The following RDX variants were observed in gnomAD, a reference collection of about 807,000 sequenced individuals.
RDX encodes deafness, autosomal recessive 24.
RDX carries 32 observed loss-of-function variants against 83.7 expected under a neutral mutation model. That is an observed-to-expected ratio of 0.38 (90% CI 0.29 to 0.51). The LOEUF (loss-of-function observed/expected upper bound fraction) is 0.51. RDX is among the 20% of genes least tolerant of loss of function. RDX has a pLI of 0.87. For synonymous variants in RDX, 229 were observed against 222.7 expected, an observed-to-expected ratio of 1.03 and a Z score of -0.25; for missense variants, 600 against 689.9, an observed-to-expected ratio of 0.87 and a Z score of 1.46.
chr11:110,289,979 A>AAAAAAAAAAAAAAAAAAAAAAC (rs1555049799), intron 1 of RDX, among the ~76,000 whole-genome samples: 2 of 144,620 alleles, frequency 1.4e-5, no homozygotes, highest in African/African-American at 5.4e-5. Context: ...AAAAAAAAAA[A>AAAAAAAAAAAAAAAAAAAAAAC]AAACAAGGGT....
At chr11:110,247,864 T>G in intron 9 of RDX, 31 bp from the exon 10 acceptor site, 3 of 1,538,818 alleles carry the variant, frequency 1.9e-6, no homozygotes, top group Non-Finnish European at 2.6e-6. Flanking sequence ...CTGTTACAAA[T>G]TAATACACAA....
intron 1 of RDX, among the ~76,000 whole-genome samples, chr11:110,284,314 A>G (rs924987288): frequency 6.6e-6 from 1 of 152,246 alleles, no homozygotes; most frequent in South Asian, 2.1e-4. Flanking sequence ...AGATATTCAC[A>G]GCAGCATTCT....
chr11:110,198,820 CTT>C (rs34948055), intron 15 of RDX, among the ~76,000 whole-genome samples: 58,126 of 146,868 alleles, frequency 0.4, 11,176 homozygotes, highest in East Asian at 0.6. Flanking sequence ...CTGAATACGT[CTT>C]TTTTTTTTTT....
chr11:110,286,407 C>G (rs1257625443), intron 1 of RDX, among the ~76,000 whole-genome samples: 1 of 152,216 alleles, frequency 6.6e-6, no homozygotes, highest in Non-Finnish European at 1.5e-5. Context: ...TCTTTTAACT[C>G]TGAGGGTAAC....
In RDX at chr11:110,191,165, T is replaced by C. The variant is rs531711872; in HGVS notation, c.*31+8416A>G. 1.5e-4 allele frequency among the ~76,000 whole-genome samples: 23 copies of C among 152,324 alleles called. No homozygotes were observed. The East Asian group carries it at 4.0e-3, about 27-fold the overall frequency. On this transcript the variant is annotated intron_variant, in intron 15 of 15. Coordinates refer to the RDX transcript ENST00000528498. ...AAAGAAAACTACAGACTAATATCCC[T>C]GATGAACACAGACACAATATCCAAA... is the stretch of plus-strand genomic sequence containing the variant.
In RDX at chr11:110,208,889, G is replaced by C. The variant is rs551021795; in HGVS notation, c.1749-9211C>G. ...AAGAATCATTTGAACCCAGGAGGCA[G>C]AGGTTGCATTGAGCAGAGATCACGT... On this transcript the variant is annotated intron_variant, in intron 14 of 15. Coordinates refer to the RDX transcript ENST00000528498. 1.5e-4 allele frequency among the ~76,000 whole-genome samples: 23 copies of C among 152,340 alleles called. No homozygotes were observed. In the South Asian group the frequency reaches 4.8e-3, roughly 32 times the overall value.
Position 110,255,357 on chromosome 11 carries a change from TC to T in RDX, c.726del (p.Trp242Ter). ...TTAAATGAAATATTTCTGATTTCAC[TC>T]CAGGGAAAACCAATTTTAGGTGTTA... ...DKLTPKIGFP[W>X]SEIRNISFND... is the part of the protein sequence containing the mutation. On this transcript the variant is annotated frameshift_variant, in exon 8 of 14. Transcript: ENST00000645495. LOFTEE classifies it high-confidence loss of function. 1 of 1,592,558 alleles carries T rather than the reference TC, an allele frequency of 6.3e-7. No individual in the cohort carries two copies. The highest frequency in any genetic ancestry group is 8.6e-7 in the Non-Finnish European group (1 of 1,160,822).
At chr11:110,221,271 C>A (rs942077041) in intron 14 of RDX, among the ~76,000 whole-genome samples, 9 of 152,240 alleles carry the variant, frequency 5.9e-5, no homozygotes, top group Non-Finnish European at 1.2e-4. Flanking sequence ...TGTACCCCCC[C>A]CAAAATACTT....
At chr11:110,177,370 A>G (rs977186650) in intron 15 of RDX, among the ~76,000 whole-genome samples, 2 of 152,156 alleles carry the variant, frequency 1.3e-5, no homozygotes, top group African/African-American at 4.8e-5. Context: ...TACTTCCTCT[A>G]TTGTAAAAGG....
intron 2 of RDX, among the ~76,000 whole-genome samples, chr11:110,273,481 A>G (rs567799676): frequency 2.0e-5 from 3 of 152,338 alleles, no homozygotes; most frequent in South Asian, 2.1e-4. Context: ...GCGTGCAATC[A>G]TGGCACACTG....
chr11:110,233,584 A>G, intron 12 of RDX, 105 bp from the exon 13 acceptor site: 1 of 1,189,736 alleles, frequency 8.4e-7, no homozygotes, highest in Non-Finnish European at 1.2e-6. Context: ...CAAGGTAATG[A>G]AAATAGGCCC....
chr11:110,284,819 G>A (rs902457135), intron 1 of RDX, among the ~76,000 whole-genome samples: 5 of 151,914 alleles, frequency 3.3e-5, no homozygotes, highest in East Asian at 1.9e-4. Flanking sequence ...CACCACGCCC[G>A]GCCAACACAG....
intron 15 of RDX, among the ~76,000 whole-genome samples, chr11:110,192,048 T>C (rs978256966): frequency 1.3e-5 from 2 of 152,172 alleles, no homozygotes; most frequent in African/African-American, 4.8e-5. Context: ...CTAAAATTCA[T>C]ATTGATCCAA....
In RDX at chr11:110,253,966, T is replaced by A; in HGVS notation, c.939A>T (p.Lys313Asn). The A allele has an allele frequency of 6.2e-7, 1 of 1,613,666 alleles. No homozygotes were observed. The highest frequency in any genetic ancestry group is 8.5e-7 in the Non-Finnish European group (1 of 1,179,782). ...CATACCTTTCCAACTGCTTCTGATG[T>A]TTCTCCTCCCTAGCCTGAGCCTTCA... is the stretch of plus-strand genomic sequence containing the variant. ...QQMKAQAREEKHQKQLERAQL... is the reference protein window; with the variant it reads ...QQMKAQAREENHQKQLERAQL... Residue 313 changes from lysine (K) to asparagine (N), a missense_variant, in exon 9 of 14, where the codon AAA becomes AAT. By Grantham distance (94) the Lys-to-Asn change is moderately conservative. Transcript: ENST00000645495.
intron 2 of RDX, among the ~76,000 whole-genome samples, chr11:110,275,998 C>A (rs1366021125): frequency 4.6e-5 from 7 of 151,918 alleles, no homozygotes; most frequent in African/African-American, 1.7e-4. Flanking sequence ...GTTGGCCAGG[C>A]TGGTCTCAAA....
chr11:110,257,447 GAATT>G lies in RDX; in HGVS notation c.698+316_698+319del, dbSNP rs1028113244. Among the ~76,000 whole-genome samples the G allele has an allele frequency of 1.4e-4, 22 of 152,142 alleles. No homozygotes were observed. The South Asian group carries it at 4.1e-3, about 29-fold the overall frequency. On this transcript the variant is annotated intron_variant, in intron 7 of 13. Transcript: ENST00000645495. ...TTGTCAAGCATAATAGCATTTTAAA[GAATT>G]ATTTCTCACCTATCGAGGGAGCAAA...
intron 10 of RDX, among the ~76,000 whole-genome samples, chr11:110,239,256 A>G (rs1864986054): frequency 6.6e-6 from 1 of 152,200 alleles, no homozygotes; most frequent in South Asian, 2.1e-4. Context: ...CAATCTAACC[A>G]AAGAAGTGAA....
At chr11:110,182,776 G>A (rs772957390) in intron 15 of RDX, among the ~76,000 whole-genome samples, 4 of 152,206 alleles carry the variant, frequency 2.6e-5, no homozygotes, top group Non-Finnish European at 5.9e-5. Context: ...TGAGCAGGCT[G>A]TCCGGGGTAA....
intron 14 of RDX, among the ~76,000 whole-genome samples, chr11:110,203,525 T>A (rs946795929): frequency 6.6e-6 from 1 of 151,650 alleles, no homozygotes; most frequent in African/African-American, 2.4e-5. Flanking sequence ...ACTAAAAGGG[T>A]ATAATTAGAT....
Sources: allele counts gnomAD v4.1 joint callset (sites outside exome capture counted in the v4.1 genomes callset), GRCh38; gene constraint gnomAD v4.1.1; transcripts MANE v1.5; gene names NCBI Gene and HGNC (gene_info 2026-07-23, HGNC 2026-07-21).